KIAA1958: variants seen among roughly 807,000 people sequenced by gnomAD.
The protein encoded by KIAA1958 is uncharacterized protein KIAA1958.
In KIAA1958, 14 loss-of-function variants were observed where a neutral mutation model predicts 47.2. That is an observed-to-expected ratio of 0.30 (90% CI 0.20 to 0.46). The LOEUF (loss-of-function observed/expected upper bound fraction) is 0.46, where lower values mean the gene tolerates loss of function less well. Among genes scored for constraint, KIAA1958 ranks in the 20% least tolerant of loss-of-function variants. KIAA1958 has a pLI of 1.00. For missense variants in KIAA1958, 803 were observed against 909.2 expected (o/e 0.88, Z 1.50); for synonymous variants, 354 against 353.3 (o/e 1.00, Z -0.02).
intron 1 of KIAA1958, among the ~76,000 whole-genome samples, chr9:112,560,732 G>A (rs974227523): frequency 3.3e-5 from 5 of 152,260 alleles, no homozygotes; most frequent in Middle Eastern, 3.4e-3. Context: ...AGTGGTTAGG[G>A]TAAGAATTAC....
intron 2 of KIAA1958, among the ~76,000 whole-genome samples, chr9:112,577,981 A>G (rs1835678613): frequency 6.6e-6 from 1 of 152,096 alleles, no homozygotes; most frequent in African/African-American, 2.4e-5. Context: ...CCTTTAAGAA[A>G]AACACTATGA....
intron 2 of KIAA1958, among the ~76,000 whole-genome samples, chr9:112,622,443 TGTGA>T (rs902835919): frequency 2.0e-5 from 3 of 152,240 alleles, no homozygotes; most frequent in African/African-American, 7.2e-5. Context: ...ACCATATTCA[TGTGA>T]GTGACTCTTG....
chr9:112,654,086 G>GT (rs1214183032), intron 3 of KIAA1958, among the ~76,000 whole-genome samples: 1 of 152,184 alleles, frequency 6.6e-6, no homozygotes, highest in Non-Finnish European at 1.5e-5. Flanking sequence ...GCCAAAGGGT[G>GT]TGTGTACAGG....
At chr9:112,498,902 T>A (rs1402890920) in intron 1 of KIAA1958, among the ~76,000 whole-genome samples, 1 of 152,222 alleles carries the variant, frequency 6.6e-6, no homozygotes, top group Non-Finnish European at 1.5e-5. Flanking sequence ...CCTCTCCCTT[T>A]ACTCTTCCCA....
intron 1 of KIAA1958, among the ~76,000 whole-genome samples, chr9:112,538,772 C>T (rs1834895156): frequency 6.6e-6 from 1 of 152,138 alleles, no homozygotes; most frequent in Middle Eastern, 3.2e-3. Context: ...GTAATGATAA[C>T]AGTACTATAT....
chr9:112,636,601 C>G (rs947037404), intron 2 of KIAA1958, among the ~76,000 whole-genome samples: 1 of 152,048 alleles, frequency 6.6e-6, no homozygotes, highest in Non-Finnish European at 1.5e-5. Context: ...ATATACCTTC[C>G]TGTTGAATTT....
chr9:112,519,865 AATTGTTGT>A (rs1446620897), intron 1 of KIAA1958, among the ~76,000 whole-genome samples: 2 of 152,212 alleles, frequency 1.3e-5, no homozygotes, highest in African/African-American at 2.4e-5. Context: ...ATATTCATGT[AATTGTTGT>A]ATTATTATAG....
chr9:112,535,699 C>A (rs1434328091), intron 1 of KIAA1958, among the ~76,000 whole-genome samples: 1 of 152,008 alleles, frequency 6.6e-6, no homozygotes, highest in African/African-American at 2.4e-5. Flanking sequence ...TAACAGTGTA[C>A]AAGGGTTCTC....
chr9:112,518,624 G>A (rs890736240), intron 1 of KIAA1958, among the ~76,000 whole-genome samples: 4 of 152,166 alleles, frequency 2.6e-5, no homozygotes, highest in Non-Finnish European at 5.9e-5. Context: ...TTGGAGTGAT[G>A]TGTATGTTCG....
In KIAA1958 at chr9:112,545,825, G is replaced by GTGTTTTTTTTTTTTTTTTT. The variant is rs60211721; in HGVS notation, c.-24-28231_-24-28230insGTTTTTTTTTTTTTTTTTT. 9.7e-5 allele frequency among the ~76,000 whole-genome samples: 9 copies of GTGTTTTTTTTTTTTTTTTT among 93,040 alleles called. 4 individuals are homozygous for GTGTTTTTTTTTTTTTTTTT. The highest frequency in any genetic ancestry group is 1.0e-4 in the Non-Finnish European group (5 of 47,928). The allele number at this position is 93,040 out of a possible 152,430, so 61.0% of individuals were successfully genotyped here. A position where few individuals can be genotyped will look rare whatever the true frequency, so the allele number is the denominator to read the frequency against. ...TCTTTAGTGATACACAGGTTTCTTT[G>GTGTTTTTTTTTTTTTTTTT]TTTTTTTTTTTTTTTTTTTTTAGTG... On this transcript the variant is annotated intron_variant, in intron 1 of 3. Coordinates refer to ENST00000337530, the MANE Select transcript of KIAA1958 (RefSeq NM_133465.4).
chr9:112,547,492 C>T (rs551484821), intron 1 of KIAA1958, among the ~76,000 whole-genome samples: 19 of 151,596 alleles, frequency 1.3e-4, no homozygotes, highest in Non-Finnish European at 2.2e-4. Flanking sequence ...GGCCATGATG[C>T]GGGGTTGGGG....
Position 112,660,173 on chromosome 9 carries a change from C to A in KIAA1958, c.*104C>A. The stretch of plus-strand genomic sequence containing the variant: ...CAGGGGCTGACCAGGTGTGACCTCC[C>A]GGTCTGGCGGCTCTCCCCTGGTGTG... On this transcript the variant is annotated 3_prime_UTR_variant, in exon 4 of 4. Transcript: ENST00000337530. 1 of 958,624 alleles carries A rather than the reference C, an allele frequency of 1.0e-6. No homozygotes were observed. Among genetic ancestry groups the A allele is most frequent in the Non-Finnish European group, 1.6e-6 (1 of 638,020 alleles). 59.4% of individuals were successfully genotyped at this position (958,624 alleles called of 1,614,324 possible). A position where few individuals can be genotyped will look rare whatever the true frequency, so the allele number is the denominator to read the frequency against.
At chr9:112,507,250 C>G (rs943954666) in intron 1 of KIAA1958, among the ~76,000 whole-genome samples, 5 of 152,162 alleles carry the variant, frequency 3.3e-5, no homozygotes, top group Non-Finnish European at 7.3e-5. Flanking sequence ...GTATCCTTTG[C>G]TAGTCACTCT....
rs1382987832 is a variant in KIAA1958 at position 112,574,710 on chromosome 9, T to G, written c.630T>G (p.Asp210Glu). ...AAATCAAACAAGAAATCCCCGAAGA[T>G]TATTACATTGTGGCAAATGCAGAAC... is the stretch of plus-strand genomic sequence containing the variant. ...IKKIKQEIPEDYYIVANAELT... is the reference protein window; with the variant it reads ...IKKIKQEIPEEYYIVANAELT... Residue 210 changes from aspartate to glutamate, a missense_variant, in exon 2 of 4, where the codon GAT (aspartate) becomes GAG (glutamate). Physicochemically the swap from Asp to Glu is conservative, Grantham distance 45. Around this residue, in one of 2 missense-constraint regions of KIAA1958, gnomAD observed 761 missense variants for 829.3 expected, o/e 0.92. Transcript: ENST00000337530. The G allele has an allele frequency of 5.0e-6, 8 of 1,614,098 alleles. No homozygotes were observed. Among genetic ancestry groups the G allele is most frequent in the Non-Finnish European group, 6.8e-6 (8 of 1,180,002 alleles).
intron 1 of KIAA1958, among the ~76,000 whole-genome samples, chr9:112,571,813 A>G (rs1835540728): frequency 6.7e-6 from 1 of 149,858 alleles, no homozygotes; most frequent in Non-Finnish European, 1.5e-5. Context: ...ATAAATAAAA[A>G]CAAAAAATAA....
chr9:112,603,075 A>C (rs1411204677), intron 2 of KIAA1958, among the ~76,000 whole-genome samples: 1 of 152,200 alleles, frequency 6.6e-6, no homozygotes, highest in Non-Finnish European at 1.5e-5. Context: ...TTTGGAGCTC[A>C]TGGTCCATTG....
chr9:112,546,499 CAG>C (rs963906685), intron 1 of KIAA1958, among the ~76,000 whole-genome samples: 6 of 151,652 alleles, frequency 4.0e-5, no homozygotes, highest in Non-Finnish European at 8.8e-5. Flanking sequence ...TTTTTTGAGA[CAG>C]AGTCTCACTC....
chr9:112,508,488 G>A (rs1441525273), intron 1 of KIAA1958, among the ~76,000 whole-genome samples: 2 of 152,212 alleles, frequency 1.3e-5, no homozygotes, highest in Non-Finnish European at 2.9e-5. Flanking sequence ...ATACGATGAT[G>A]GCACATTGTT....
intron 3 of KIAA1958, among the ~76,000 whole-genome samples, chr9:112,647,339 G>A (rs1836992561): frequency 6.6e-6 from 1 of 152,142 alleles, no homozygotes; most frequent in Admixed American, 6.5e-5. Context: ...TAGGTAGGTA[G>A]CATACCCTGG....
Sources: gnomAD v4.1 joint callset for allele counts (sites outside exome capture counted in the v4.1 genomes callset) on GRCh38, gnomAD v4.1.1 for gene constraint, gnomAD v4.1.1 regional missense constraint, MANE v1.5 for transcripts, NCBI Gene and HGNC (gene_info 2026-07-23, HGNC 2026-07-21) for gene names.